VEPH1: variants seen among roughly 807,000 people sequenced by gnomAD.
VEPH1 encodes the protein ventricular zone expressed PH domain containing 1.
In VEPH1, 80 loss-of-function variants were observed where a neutral mutation model predicts 85.2. That is an observed-to-expected ratio of 0.94 (90% CI 0.78 to 1.13). VEPH1 has a LOEUF of 1.13. Among genes scored for constraint, VEPH1 ranks in the 50% most tolerant of loss-of-function variants. The pLI, the probability that VEPH1 is intolerant of heterozygous loss-of-function variation, is 0.00. For synonymous variants in VEPH1, 297 were observed against 348.0 expected, an observed-to-expected ratio of 0.85 and a Z score of 1.63; for missense variants, 955 against 980.5, an observed-to-expected ratio of 0.97 and a Z score of 0.35.
At chr3:157,442,665 G>A in intron 4 of VEPH1, 1 of 1,614,236 alleles carries the variant, frequency 6.2e-7, no homozygotes. Context: ...GAATTCAGAG[G>A]AAGGGCTCAC....
chr3:157,314,330 C>CAAAAAAAAA (rs34703314), intron 10 of VEPH1, among the ~76,000 whole-genome samples: 1,013 of 43,118 alleles, frequency 0.023, 123 homozygotes, highest in Non-Finnish European at 0.047. Context: ...GAGGATCCGT[C>CAAAAAAAAA]AAAAAAAAAA....
intron 4 of VEPH1, among the ~76,000 whole-genome samples, chr3:157,450,815 C>A (rs1734914018): frequency 6.6e-6 from 1 of 152,070 alleles, no homozygotes; most frequent in Non-Finnish European, 1.5e-5. Context: ...TCAACTAGGT[C>A]ATTACGCATT....
intron 5 of VEPH1, among the ~76,000 whole-genome samples, chr3:157,425,906 G>T (rs1165283867): frequency 6.6e-6 from 1 of 152,150 alleles, no homozygotes; most frequent in East Asian, 1.9e-4. Context: ...TGGGAGGGAC[G>T]CAGTGGGAGA....
chr3:157,460,093 C>T, intron 4 of VEPH1, 88 bp downstream of exon 4: 1 of 1,612,336 alleles, frequency 6.2e-7, no homozygotes, highest in Non-Finnish European at 8.5e-7. Context: ...TACTCTAGGT[C>T]TTGCTTCCCA....
chr3:157,374,580 G>C (rs1727885064), intron 7 of VEPH1, among the ~76,000 whole-genome samples: 1 of 152,198 alleles, frequency 6.6e-6, no homozygotes, highest in Admixed American at 6.6e-5. Flanking sequence ...GTCTGTGGAA[G>C]AGTAGAGGGA....
At chr3:157,434,286 C>T (rs1249961266) in intron 4 of VEPH1, among the ~76,000 whole-genome samples, 3 of 151,914 alleles carry the variant, frequency 2.0e-5, no homozygotes, top group African/African-American at 4.8e-5. Flanking sequence ...TGATGTATAG[C>T]TGGATTTTTA....
At chr3:157,370,348 T>G (rs1727353075) in intron 7 of VEPH1, among the ~76,000 whole-genome samples, 1 of 152,192 alleles carries the variant, frequency 6.6e-6, no homozygotes, top group African/African-American at 2.4e-5. Flanking sequence ...TAGTTAATGT[T>G]TGATGATCTT....
At position 157,495,148 on chromosome 3, in the gene VEPH1, A is replaced by G. The variant is rs1048612584; in HGVS notation, c.138+64T>C. 6.6e-6 allele frequency: 10 copies of G among 1,514,456 alleles called. No homozygotes were observed. The African/African-American group carries it at 1.4e-4, about 21-fold the overall frequency. 93.8% of individuals were successfully genotyped at this position (1,514,456 alleles called of 1,614,324 possible). A position where few individuals can be genotyped will look rare whatever the true frequency, so the allele number is the denominator to read the frequency against. ...TGCAAAGATCTTTCTGCCAGGATAT[A>G]AACAAATCTCTAGCTCTAGGACAGG... On this transcript the variant is annotated intron_variant, in intron 2 of 13. Transcript: ENST00000362010.
At chr3:157,453,986 T>C (rs1337758109) in intron 4 of VEPH1, among the ~76,000 whole-genome samples, 1 of 152,206 alleles carries the variant, frequency 6.6e-6, no homozygotes, top group Non-Finnish European at 1.5e-5. Context: ...GTTTCAAAGA[T>C]TTCATTGTCA....
intron 4 of VEPH1, chr3:157,442,569 G>A (rs56265729): frequency 5.0e-6 from 8 of 1,614,224 alleles, no homozygotes; most frequent in Non-Finnish European, 6.8e-6. Context: ...CCAATCCATA[G>A]TGTTTGTGGT....
intron 1 of VEPH1, among the ~76,000 whole-genome samples, chr3:157,502,708 T>G (rs1740208879): frequency 6.6e-6 from 1 of 152,222 alleles, no homozygotes; most frequent in South Asian, 2.1e-4. Flanking sequence ...AATGGTTGAT[T>G]ACTACAACAA....
intron 11 of VEPH1, among the ~76,000 whole-genome samples, chr3:157,292,977 C>A (rs1296644033): frequency 2.4e-5 from 3 of 125,928 alleles, no homozygotes; most frequent in African/African-American, 6.1e-5. Flanking sequence ...GAGCAAAACT[C>A]CACCTCAAAA....
chr3:157,370,816 G>A (rs1489640585), intron 7 of VEPH1, among the ~76,000 whole-genome samples: 1 of 152,156 alleles, frequency 6.6e-6, no homozygotes, highest in Non-Finnish European at 1.5e-5. Flanking sequence ...ACAGTTGTGG[G>A]GGAAACTGAC....
At chr3:157,286,328 A>G in intron 12 of VEPH1, 1 of 513,728 alleles carries the variant, frequency 1.9e-6, no homozygotes, top group South Asian at 2.2e-5. Context: ...TGCTTCCTTG[A>G]TAACCACATA....
In VEPH1 at chr3:157,261,471, T is replaced by A. The variant is rs571249101; in HGVS notation, c.2266-101A>T. On this transcript the variant is annotated intron_variant, in intron 13 of 13. Transcript: ENST00000362010. ...CTAAGAGGGCCAGAATCCTTTCACT[T>A]TTTATGTCTCAAGACCTTTGTTATT... is the stretch of plus-strand genomic sequence containing the variant. 6 of 1,522,524 alleles carry A rather than the reference T, an allele frequency of 3.9e-6. No individual in the cohort carries two copies. The East Asian group carries it at 1.4e-4, about 35-fold the overall frequency. 94.3% of individuals were successfully genotyped at this position (1,522,524 alleles called of 1,614,324 possible).
rs1006553232 is a variant in VEPH1 at position 157,317,191 on chromosome 3, T to C, written c.1746A>G (p.Arg582=). The change falls in exon 10 of 14, where the codon AGA becomes AGG. Residue 582 remains arginine (R), a synonymous_variant. Coordinates refer to ENST00000362010, the MANE Select transcript of VEPH1 (RefSeq NM_001167912.2). ...PDQCTIEDTV[R]SCVAKLFFTC... ...TGAAGAACAACTTTGCTACACAACT[T>C]CTCACAGTGTCTAGAAACAAATACA... is the stretch of plus-strand genomic sequence containing the variant. 9.3e-6 allele frequency: 15 copies of C among 1,611,092 alleles called. No individual in the cohort carries two copies. Among genetic ancestry groups the C allele is most frequent in the Non-Finnish European group, 1.3e-5 (15 of 1,178,782 alleles).
intron 6 of VEPH1, chr3:157,413,436 C>T: frequency 1.0e-6 from 1 of 983,868 alleles, no homozygotes; most frequent in Non-Finnish European, 1.2e-6. Flanking sequence ...TCTATGAAAT[C>T]TAATTCTGTG....
chr3:157,454,260 G>A (rs1259988771), intron 4 of VEPH1, among the ~76,000 whole-genome samples: 3 of 152,018 alleles, frequency 2.0e-5, no homozygotes, highest in African/African-American at 4.8e-5. Flanking sequence ...ATTTAATCCC[G>A]TGGCCAAAGG....
At chr3:157,377,143 G>A (rs537482772) in intron 7 of VEPH1, among the ~76,000 whole-genome samples, 1 of 152,174 alleles carries the variant, frequency 6.6e-6, no homozygotes, top group Non-Finnish European at 1.5e-5. Context: ...AATTACAATC[G>A]ATTAGAAGAA....
Sources: allele counts gnomAD v4.1 joint callset (sites outside exome capture counted in the v4.1 genomes callset), GRCh38; gene constraint gnomAD v4.1.1; transcripts MANE v1.5; gene names NCBI Gene and HGNC (gene_info 2026-07-23, HGNC 2026-07-21).